CDH13: variants seen among roughly 807,000 people sequenced by gnomAD.
The protein encoded by CDH13 is cadherin-13.
Under a neutral mutation model 63.8 loss-of-function variants are expected in CDH13, and 24 were observed. The observed-to-expected ratio is 0.38, with a 90% CI of 0.27 to 0.53. The LOEUF is 0.53. Among genes scored for constraint, CDH13 ranks in the 20% least tolerant of loss-of-function variants. The probability of loss-of-function intolerance (pLI) is 0.85; values close to 1 mark genes in which losing one functional copy is unlikely to be tolerated. For synonymous variants in CDH13, 503 were observed against 355.3 expected (o/e 1.42, Z -4.67); for missense variants, 1,049 against 903.1 (o/e 1.16, Z -2.07).
chr16:83,544,817 T>C (rs755037952), intron 7 of CDH13, among the ~76,000 whole-genome samples: 1 of 152,182 alleles, frequency 6.6e-6, no homozygotes, highest in African/African-American at 2.4e-5. Context: ...TTTATAACAG[T>C]TCAAAGGGTA....
chr16:83,187,881 G>A (rs1449722674), intron 4 of CDH13, among the ~76,000 whole-genome samples: 1 of 152,126 alleles, frequency 6.6e-6, no homozygotes, highest in African/African-American at 2.4e-5. Context: ...TCAACAGGGA[G>A]GCCCTCAGTG....
intron 10 of CDH13, among the ~76,000 whole-genome samples, chr16:83,709,941 A>G (rs368774): frequency 0.28 from 42,802 of 152,204 alleles, 6,429 homozygotes; most frequent in Middle Eastern, 0.46. Context: ...AACATTATTC[A>G]TTCCTTCAGA....
chr16:82,827,727 A>G (rs1348029136), intron 1 of CDH13, among the ~76,000 whole-genome samples: 1 of 152,220 alleles, frequency 6.6e-6, no homozygotes, highest in Non-Finnish European at 1.5e-5. Flanking sequence ...CTCAGCATGA[A>G]TGCCCTTTTT....
chr16:83,284,923 A>G (rs1597663090), intron 5 of CDH13, among the ~76,000 whole-genome samples: 2 of 152,204 alleles, frequency 1.3e-5, no homozygotes, highest in Non-Finnish European at 2.9e-5. Context: ...GGTTCTCTTG[A>G]GCTGGTTACA....
rs575736007 is a variant in CDH13, at chr16:83,259,316, C to G, written c.636+41819C>G. 3.9e-5 allele frequency among the ~76,000 whole-genome samples: 6 copies of G among 152,252 alleles called. No homozygotes were observed. In the East Asian group the frequency reaches 9.7e-4, roughly 24 times the overall value. On this transcript the variant is annotated intron_variant, in intron 5 of 13. Transcript: ENST00000567109. Reference sequence around the variant, plus strand: ...TCTCAGCATGAAATGGGAGAAATCTCTAAAACACTTGACACAATGTTGGGC... The same window carrying G: ...TCTCAGCATGAAATGGGAGAAATCTGTAAAACACTTGACACAATGTTGGGC...
At chr16:83,779,406 CAAA>C (rs144757645) in intron 11 of CDH13, among the ~76,000 whole-genome samples, 719 of 81,396 alleles carry the variant, frequency 8.8e-3, no homozygotes, top group Middle Eastern at 0.042. Context: ...GACTCCATCT[CAAA>C]AAAAAAAAAA....
intron 7 of CDH13, among the ~76,000 whole-genome samples, chr16:83,566,417 A>C (rs1230543460): frequency 3.9e-5 from 6 of 152,112 alleles, no homozygotes; most frequent in Non-Finnish European, 2.9e-5. Context: ...ATAGGAAGAC[A>C]AGTTGCTAAA....
intron 6 of CDH13, among the ~76,000 whole-genome samples, chr16:83,465,418 C>G (rs1227163197): frequency 6.6e-6 from 1 of 152,138 alleles, no homozygotes; most frequent in Non-Finnish European, 1.5e-5. Flanking sequence ...TGGAATAGCT[C>G]TTTTGAAGCA....
chr16:83,024,940 C>A (rs1395787331), intron 2 of CDH13, among the ~76,000 whole-genome samples: 2 of 152,156 alleles, frequency 1.3e-5, no homozygotes, highest in African/African-American at 4.8e-5. Context: ...TCAGCCCCAC[C>A]CCTTTAACCC....
rs951192287 is a variant in CDH13 at position 83,510,409 on chromosome 16, A to G, written c.960+23754A>G. Among the ~76,000 whole-genome samples, 70 of 152,202 alleles carry G rather than the reference A, an allele frequency of 4.6e-4. 1 individual carries two copies. Among genetic ancestry groups the G allele is most frequent in the Admixed American group, 4.5e-3 (69 of 15,268 alleles). ...AAATCCTTCTGCAGCCCACAAAATG[A>G]TAGAGATAGGTGGACTACGTCTAAT... On this transcript the variant is annotated intron_variant, in intron 7 of 13. Transcript: ENST00000567109.
chr16:83,661,758 G>A (rs1397546241), intron 8 of CDH13, among the ~76,000 whole-genome samples: 1 of 152,230 alleles, frequency 6.6e-6, no homozygotes, highest in Non-Finnish European at 1.5e-5. Flanking sequence ...TTCCTCAAAA[G>A]CCATGGACTC....
chr16:82,827,286 A>G (rs1222505093), intron 1 of CDH13, among the ~76,000 whole-genome samples: 1 of 152,136 alleles, frequency 6.6e-6, no homozygotes, highest in Non-Finnish European at 1.5e-5. Context: ...CATCTTTACT[A>G]TTTTGCATAA....
chr16:83,123,479 A>G (rs894532833), intron 3 of CDH13, among the ~76,000 whole-genome samples: 1 of 152,044 alleles, frequency 6.6e-6, no homozygotes, highest in African/African-American at 2.4e-5. Flanking sequence ...AGGTTTCTCC[A>G]TGTTGGTCAG....
At position 83,067,890 on chromosome 16, in the gene CDH13, C is replaced by G. The variant is rs182585498; in HGVS notation, c.366+35672C>G. ...CCCATCCCCTCTATCCTCCATTTCG[C>G]CACCTGCTCTGGCCAAAAAGTTTGA... On this transcript the variant is annotated intron_variant, in intron 3 of 13. Transcript: ENST00000567109. 6.6e-5 allele frequency among the ~76,000 whole-genome samples: 10 copies of G among 152,252 alleles called. No homozygotes were observed. The East Asian group carries it at 1.7e-3, about 26-fold the overall frequency.
intron 1 of CDH13, among the ~76,000 whole-genome samples, chr16:82,773,744 T>G (rs78042778): frequency 6.6e-6 from 1 of 152,136 alleles, no homozygotes; most frequent in African/African-American, 2.4e-5. Flanking sequence ...GCATTTTTTT[T>G]TCTTTTTCTT....
chr16:83,031,970 A>G (rs762857450), intron 2 of CDH13, 40 bp from the exon 3 acceptor site: 1 of 1,496,942 alleles, frequency 6.7e-7, no homozygotes, highest in South Asian at 1.2e-5. Context: ...AAGCTGCCCA[A>G]CCTACTCATG....
At position 82,685,711 on chromosome 16, in the gene CDH13, C is replaced by T. The variant is rs142413432; in HGVS notation, c.45+58574C>T. Among the ~76,000 whole-genome samples, 298 of 152,342 alleles carry T rather than the reference C, an allele frequency of 2.0e-3. 1 individual carries two copies. Among genetic ancestry groups the T allele is most frequent in the African/African-American group, 6.7e-3 (280 of 41,584 alleles). On this transcript the variant is annotated intron_variant, in intron 1 of 13. Transcript: ENST00000567109. ...GGGGCCAGCAGGTGTTCAACCCCGC[C>T]TGGCTCAGGCAGCTTTCGCTTCAGT...
At chr16:82,720,600 G>A (rs999306447) in intron 1 of CDH13, among the ~76,000 whole-genome samples, 15 of 151,818 alleles carry the variant, frequency 9.9e-5, no homozygotes, top group African/African-American at 3.4e-4. Flanking sequence ...GAAACCAGAG[G>A]ACCCGGGGAA....
At chr16:83,744,500 T>G (rs776635008) in intron 10 of CDH13, among the ~76,000 whole-genome samples, 1 of 151,978 alleles carries the variant, frequency 6.6e-6, no homozygotes, top group African/African-American at 2.4e-5. Flanking sequence ...GTGGAAGCCC[T>G]GCGTTCGCCT....
Sources: gnomAD v4.1 joint callset for allele counts (sites outside exome capture counted in the v4.1 genomes callset) on GRCh38, gnomAD v4.1.1 for gene constraint, MANE v1.5 for transcripts, NCBI Gene and HGNC (gene_info 2026-07-23, HGNC 2026-07-21) for gene names.